Variants in PPP2R5A observed in about 807,000 individuals in gnomAD.
PPP2R5A encodes the protein protein phosphatase 2 regulatory subunit B'alpha.
A neutral mutation model predicts 64.2 loss-of-function variants in PPP2R5A; 25 were observed. The ratio of observed to expected loss-of-function variants is 0.39; its 90% CI spans 0.28 to 0.54. The LOEUF is 0.54. PPP2R5A is among the 20% of genes least tolerant of loss of function. PPP2R5A has a pLI of 0.67. For synonymous variants in PPP2R5A, 198 were observed against 201.2 expected (o/e 0.98, Z 0.13); for missense variants, 425 against 576.3 (o/e 0.74, Z 2.69).
chr1:212,341,465 G>T (rs1210551754), intron 3 of PPP2R5A, among the ~76,000 whole-genome samples: 1 of 152,130 alleles, frequency 6.6e-6, no homozygotes, highest in Non-Finnish European at 1.5e-5. Flanking sequence ...TTATCTGGAG[G>T]TTGTTGACTC....
intron 1 of PPP2R5A, among the ~76,000 whole-genome samples, chr1:212,317,694 A>C (rs912786721): frequency 1.9e-4 from 29 of 152,296 alleles, no homozygotes; most frequent in African/African-American, 6.3e-4. Context: ...ATTTCTTAAA[A>C]GTGTGAGCCA....
chr1:212,310,991 C>T (rs745675093), intron 1 of PPP2R5A, among the ~76,000 whole-genome samples: 5 of 152,172 alleles, frequency 3.3e-5, no homozygotes, highest in Non-Finnish European at 5.9e-5. Context: ...GCTTAAAATA[C>T]AGTCATGTGC....
chr1:212,357,121 T>A (rs1659990343), intron 10 of PPP2R5A, 36 bp from the exon 11 acceptor site: 1 of 1,581,264 alleles, frequency 6.3e-7, no homozygotes, highest in Non-Finnish European at 8.6e-7. Flanking sequence ...TCTTTCCTAT[T>A]TTAGTTTTGA....
chr1:212,287,072 T>C (rs1658517475), intron 1 of PPP2R5A, among the ~76,000 whole-genome samples: 1 of 152,194 alleles, frequency 6.6e-6, no homozygotes, highest in Admixed American at 6.5e-5. Context: ...AGGGACTTTG[T>C]AGGTTTGTAC....
At chr1:212,356,446 A>C (rs1344344194) in intron 8 of PPP2R5A, among the ~76,000 whole-genome samples, 180 bp from the exon 9 acceptor site, 1 of 152,256 alleles carries the variant, frequency 6.6e-6, no homozygotes, top group Non-Finnish European at 1.5e-5. Context: ...ATAGGCACCC[A>C]GTAAATGTTA....
rs1438849444 is a variant in PPP2R5A at position 212,318,647 on chromosome 1, C to T, written c.182-10488C>T. Among the ~76,000 whole-genome samples, 48 of 152,280 alleles carry T rather than the reference C, an allele frequency of 3.2e-4. 1 individual carries two copies. Among genetic ancestry groups the T allele is most frequent in the Non-Finnish European group, 5.9e-5 (4 of 68,026 alleles). ...CTTGGGAAGATCAAAATACAGTTGG[C>T]CCTCCATATCTGTGGGTTCCACATC... On this transcript the variant is annotated intron_variant, in intron 1 of 12. Transcript: ENST00000261461.
At chr1:212,350,121 A>T (rs774711581) in intron 8 of PPP2R5A, among the ~76,000 whole-genome samples, 1 of 152,354 alleles carries the variant, frequency 6.6e-6, no homozygotes, top group East Asian at 1.9e-4. Context: ...TATTTTTACT[A>T]TATTATGAAC....
intron 1 of PPP2R5A, among the ~76,000 whole-genome samples, chr1:212,305,676 CTATTTCTCTCTT>C (rs1658886787): frequency 6.6e-6 from 1 of 152,028 alleles, no homozygotes; most frequent in Non-Finnish European, 1.5e-5. Flanking sequence ...TTTGAATTTT[CTATTTCTCTCTT>C]TGTTTCTGTC....
chr1:212,302,154 T>C, intron 1 of PPP2R5A: 1 of 1,383,202 alleles, frequency 7.2e-7, no homozygotes, highest in South Asian at 1.3e-5. Context: ...GAGAAATGAA[T>C]AGAGACTAGA....
At chr1:212,290,210 TA>T (rs961648648) in intron 1 of PPP2R5A, among the ~76,000 whole-genome samples, 3 of 152,166 alleles carry the variant, frequency 2.0e-5, no homozygotes, top group Admixed American at 1.3e-4. Context: ...TCCTTACCTT[TA>T]GGGGGAAAAA....
At chr1:212,308,410 CTT>C (rs35324374) in intron 1 of PPP2R5A, among the ~76,000 whole-genome samples, 9 of 128,480 alleles carry the variant, frequency 7.0e-5, no homozygotes, top group African/African-American at 8.8e-5. Context: ...TGTTGGTACA[CTT>C]TTTTTTTTTT....
intron 8 of PPP2R5A, among the ~76,000 whole-genome samples, chr1:212,350,611 A>C (rs1659858346): frequency 6.6e-6 from 1 of 151,794 alleles, no homozygotes; most frequent in East Asian, 1.9e-4. Flanking sequence ...CTGAGCTCAT[A>C]CCAGTGCACT....
At chr1:212,358,815 A>G in intron 12 of PPP2R5A, 28 bp downstream of exon 12, 1 of 1,535,968 alleles carries the variant, frequency 6.5e-7, no homozygotes, top group Non-Finnish European at 9.0e-7. Flanking sequence ...TTACAAAATT[A>G]TCTATACATT....
At position 212,360,526 on chromosome 1, in the gene PPP2R5A, G is replaced by A. The variant is rs1482828388; in HGVS notation, c.1329-112G>A. On this transcript the variant is annotated intron_variant, in intron 12 of 12. Coordinates refer to ENST00000261461, the MANE Select transcript of PPP2R5A (RefSeq NM_006243.4). ...AGTGGACTCCAAAGCTTTAGCAGAG[G>A]GATTTAAGTGAAATGTGGGTAAGTA... 6 of 931,396 alleles carry A rather than the reference G, an allele frequency of 6.4e-6. No individual in the cohort carries two copies. In the African/African-American group the frequency reaches 1.0e-4, roughly 16 times the overall value. 57.7% of individuals were successfully genotyped at this position (931,396 alleles called of 1,614,324 possible). A position where few individuals can be genotyped will look rare whatever the true frequency, so the allele number is the denominator to read the frequency against.
At chr1:212,316,768 CAAA>C (rs1659162970) in intron 1 of PPP2R5A, among the ~76,000 whole-genome samples, 1 of 151,778 alleles carries the variant, frequency 6.6e-6, no homozygotes, top group African/African-American at 2.4e-5. Context: ...TATGGATAAA[CAAA>C]AAATTACTGT....
chr1:212,305,035 ATT>A (rs3070963), intron 1 of PPP2R5A, among the ~76,000 whole-genome samples: 14 of 107,924 alleles, frequency 1.3e-4, no homozygotes, highest in Admixed American at 2.8e-4. Context: ...CCGGCCCCCA[ATT>A]TTTTTTTTTT....
intron 11 of PPP2R5A, 25 bp downstream of exon 11, chr1:212,357,309 AT>A (rs760026782): frequency 4.0e-5 from 58 of 1,450,634 alleles, no homozygotes; most frequent in Middle Eastern, 2.1e-4. Flanking sequence ...TATAGGTCGT[AT>A]TTTTTTCTTT....
At chr1:212,309,531 C>T in intron 1 of PPP2R5A, 1 of 744,126 alleles carries the variant, frequency 1.3e-6, no homozygotes, top group Non-Finnish European at 2.4e-6. Context: ...TGTGAAAAGC[C>T]CTTCTTTACT....
intron 1 of PPP2R5A, among the ~76,000 whole-genome samples, chr1:212,287,363 T>A (rs1240146726): frequency 6.6e-6 from 1 of 152,230 alleles, no homozygotes; most frequent in African/African-American, 2.4e-5. Context: ...TCAATTCATT[T>A]GAAAAAGCTG....
Sources: allele counts gnomAD v4.1 joint callset (sites outside exome capture counted in the v4.1 genomes callset), GRCh38; gene constraint gnomAD v4.1.1; transcripts MANE v1.5; gene names NCBI Gene and HGNC (gene_info 2026-07-23, HGNC 2026-07-21).